The following PHF24 variants were observed in gnomAD, a reference collection of about 807,000 sequenced individuals.
The protein encoded by PHF24 is Galpha inhibitory interacting protein.
Under a neutral mutation model 42.6 loss-of-function variants are expected in PHF24, and 25 were observed. The ratio of observed to expected loss-of-function variants is 0.59; its 90% CI spans 0.43 to 0.82. The LOEUF (loss-of-function observed/expected upper bound fraction) is 0.82. Ranked by LOEUF, PHF24 falls within the 40% of genes least tolerant of loss-of-function variation. The pLI is 0.00. For synonymous variants in PHF24, 185 were observed against 204.8 expected (o/e 0.90, Z 0.83); for missense variants, 470 against 538.1 (o/e 0.87, Z 1.25).
chr9:34,934,205 A>G, the PHF24 span, among the ~76,000 whole-genome samples: 84 of 152,302 alleles, frequency 5.5e-4, 2 homozygotes, highest in Non-Finnish European at 4.4e-5. Flanking sequence ...GTGTGTGGCC[A>G]CAGCCACTCA....
chr9:34,831,733 G>C, the PHF24 span, among the ~76,000 whole-genome samples: 2 of 152,160 alleles, frequency 1.3e-5, no homozygotes, highest in Non-Finnish European at 2.9e-5. Flanking sequence ...GGGCCTGTGG[G>C]ACAGGCCCTT....
At chr9:34,902,722 A>G in the PHF24 span, among the ~76,000 whole-genome samples, 4 of 152,242 alleles carry the variant, frequency 2.6e-5, no homozygotes, top group African/African-American at 9.6e-5. Flanking sequence ...CAGTAGCTGT[A>G]TCCTTTTCAC....
the PHF24 span, chr9:34,690,371 A>G: frequency 6.2e-7 from 1 of 1,610,816 alleles, no homozygotes; most frequent in Non-Finnish European, 8.5e-7. Context: ...GTGACAGGAC[A>G]CAGGGACCCT....
At chr9:34,727,711 T>G in the PHF24 span, among the ~76,000 whole-genome samples, 2 of 152,234 alleles carry the variant, frequency 1.3e-5, no homozygotes, top group Non-Finnish European at 2.9e-5. Flanking sequence ...AAACCCATTC[T>G]CTTAACTGGG....
chr9:34,720,185 C>T, the PHF24 span, among the ~76,000 whole-genome samples: 1 of 152,154 alleles, frequency 6.6e-6, no homozygotes, highest in Non-Finnish European at 1.5e-5. Flanking sequence ...TGGCTCACGC[C>T]TGTAATCCCA....
the PHF24 span, among the ~76,000 whole-genome samples, chr9:34,753,879 G>A: frequency 2.0e-5 from 3 of 151,998 alleles, no homozygotes; most frequent in African/African-American, 7.2e-5. Flanking sequence ...AAGAAAATAC[G>A]TTGGAGAAAA....
the PHF24 span, chr9:34,709,241 G>A: frequency 8.6e-4 from 791 of 921,076 alleles, 6 homozygotes; most frequent in African/African-American, 0.011. Flanking sequence ...AATGCAGATG[G>A]GGTGGTTAAA....
At chr9:34,679,709 T>G in the PHF24 span, among the ~76,000 whole-genome samples, 3 of 152,084 alleles carry the variant, frequency 2.0e-5, no homozygotes, top group South Asian at 2.1e-4. Context: ...GCGAGACGCC[T>G]TCTCAAAAAA....
At chr9:34,950,278 G>A in the PHF24 span, among the ~76,000 whole-genome samples, 1 of 150,706 alleles carries the variant, frequency 6.6e-6, no homozygotes, top group Non-Finnish European at 1.5e-5. Flanking sequence ...AACCCAAGAG[G>A]CGGAGGTTGC....
chr9:34,970,794 G>C (rs1281184425), intron 1 of PHF24, among the ~76,000 whole-genome samples: 1 of 152,210 alleles, frequency 6.6e-6, no homozygotes, highest in African/African-American at 2.4e-5. Flanking sequence ...GGACAGGAAG[G>C]GAGACAGAGA....
At chr9:34,677,202 A>G in the PHF24 span, among the ~76,000 whole-genome samples, 5 of 152,092 alleles carry the variant, frequency 3.3e-5, no homozygotes, top group African/African-American at 9.7e-5. Flanking sequence ...TGCTTCAAAT[A>G]TAATCCATCA....
At chr9:34,735,661 C>A in the PHF24 span, among the ~76,000 whole-genome samples, 1 of 150,058 alleles carries the variant, frequency 6.7e-6, no homozygotes, top group East Asian at 2.0e-4. Flanking sequence ...TAGCTGGGCG[C>A]GGTGGCAGAT....
chr9:34,726,944 C>T, the PHF24 span: 3 of 1,551,344 alleles, frequency 1.9e-6, no homozygotes, highest in African/African-American at 4.1e-5. Context: ...GGGATCTGCA[C>T]ACAGGATTCG....
the PHF24 span, among the ~76,000 whole-genome samples, chr9:34,899,044 A>C: frequency 1.3e-5 from 2 of 152,178 alleles, no homozygotes; most frequent in African/African-American, 4.8e-5. Context: ...CTCATCGACA[A>C]GGGTGCTTGT....
chr9:34,849,760 T>G, the PHF24 span, among the ~76,000 whole-genome samples: 1 of 152,224 alleles, frequency 6.6e-6, no homozygotes, highest in African/African-American at 2.4e-5. Context: ...TTTCCATGTT[T>G]AGTGCTTCCT....
At chr9:34,784,934 GTT>G in the PHF24 span, among the ~76,000 whole-genome samples, 1 of 152,170 alleles carries the variant, frequency 6.6e-6, no homozygotes, top group Non-Finnish European at 1.5e-5. Flanking sequence ...TTTCACAAGT[GTT>G]TGGTTTTAAT....
the PHF24 span, among the ~76,000 whole-genome samples, chr9:34,677,225 G>A: frequency 4.3e-4 from 66 of 152,050 alleles, no homozygotes; most frequent in Non-Finnish European, 6.3e-4. Flanking sequence ...TCAGCCTCAT[G>A]TTCTACTTAT....
the PHF24 span, among the ~76,000 whole-genome samples, chr9:34,935,644 G>T: frequency 1.5e-4 from 22 of 150,114 alleles, no homozygotes; most frequent in African/African-American, 4.9e-4. Flanking sequence ...GGTGGAGACA[G>T]CTACATAGGA....
the PHF24 span, among the ~76,000 whole-genome samples, chr9:34,762,855 A>G: frequency 6.6e-6 from 1 of 152,150 alleles, no homozygotes; most frequent in African/African-American, 2.4e-5. Context: ...TCTTTAATCC[A>G]TCTCGAATTA....
Sources: allele counts gnomAD v4.1 joint callset (sites outside exome capture counted in the v4.1 genomes callset), GRCh38; gene constraint gnomAD v4.1.1; transcripts MANE v1.5; gene names NCBI Gene and HGNC (gene_info 2026-07-23, HGNC 2026-07-21).